The following TAF15 variants were observed in gnomAD, a reference collection of about 807,000 sequenced individuals.
The protein encoded by TAF15 is TATA-box binding protein associated factor 15.
Under a neutral mutation model 102.5 loss-of-function variants are expected in TAF15, and 37 were observed. That is an observed-to-expected ratio of 0.36 (90% CI 0.28 to 0.47). The LOEUF (loss-of-function observed/expected upper bound fraction) is 0.47. TAF15 is among the 20% of genes least tolerant of loss of function. The pLI, the probability that TAF15 is intolerant of heterozygous loss-of-function variation, is 0.99. For missense variants in TAF15, 652 were observed against 760.7 expected (o/e 0.86, Z 1.68); for synonymous variants, 273 against 259.2 (o/e 1.05, Z -0.51).
intron 7 of TAF15, among the ~76,000 whole-genome samples, chr17:35,829,432 A>C (rs1457031368): frequency 1.3e-5 from 2 of 151,028 alleles, no homozygotes; most frequent in Non-Finnish European, 2.9e-5. Context: ...GGAGATCGAG[A>C]CCATCCTGGC....
In TAF15 at chr17:35,838,412, G is replaced by A. The variant is rs374293879; in HGVS notation, c.784-12G>A. On this transcript the variant is annotated splice_polypyrimidine_tract_variant and intron_variant, in intron 10 of 15. Transcript: ENST00000605844. ...AAAAATGCTAACACCAAGTGTTTCT[G>A]TTTTTCCTCAGACAAATAAGAAGAC... 2 of 1,613,978 alleles carry A rather than the reference G, an allele frequency of 1.2e-6. No individual in the cohort carries two copies. Among genetic ancestry groups the A allele is most frequent in the Non-Finnish European group, 1.7e-6 (2 of 1,180,008 alleles).
At position 35,839,292 on chromosome 17, in the gene TAF15, A is replaced by C. The variant is rs575304171; in HGVS notation, c.913+739A>C. On this transcript the variant is annotated intron_variant, in intron 11 of 15. Coordinates refer to ENST00000605844, the MANE Select transcript of TAF15 (RefSeq NM_139215.3). ...CGAGAACCTGTCTCCAAAAAAAAAA[A>C]CCCTATAAATAAATAAAGTAAAATT... is the stretch of plus-strand genomic sequence containing the variant. 2.9e-4 allele frequency among the ~76,000 whole-genome samples: 44 copies of C among 149,346 alleles called. No homozygotes were observed. In the South Asian group the frequency reaches 9.1e-3, roughly 31 times the overall value.
At chr17:35,812,861 C>T (rs745973380) in intron 1 of TAF15, among the ~76,000 whole-genome samples, 12 of 151,904 alleles carry the variant, frequency 7.9e-5, no homozygotes, top group Non-Finnish European at 1.8e-4. Context: ...GGTGCGGTGG[C>T]TCATGCCTGT....
intron 7 of TAF15, among the ~76,000 whole-genome samples, chr17:35,827,110 G>A (rs1345157483): frequency 6.6e-6 from 1 of 151,650 alleles, no homozygotes; most frequent in East Asian, 1.9e-4. Flanking sequence ...AGCAATTCTT[G>A]GCCGGGTGCG....
intron 1 of TAF15, chr17:35,811,317 T>G (rs2087121835): frequency 6.6e-6 from 1 of 152,250 alleles, no homozygotes; most frequent in Non-Finnish European, 1.5e-5. Context: ...TTCAAGTTAC[T>G]AAGACACCAG....
At chr17:35,820,269 T>C in intron 4 of TAF15, 21 bp downstream of exon 4, 1 of 1,614,006 alleles carries the variant, frequency 6.2e-7, no homozygotes, top group East Asian at 2.2e-5. Context: ...TTTGTTAAAT[T>C]TGTTGTTTCA....
intron 12 of TAF15, 93 bp downstream of exon 12, chr17:35,842,552 T>A: frequency 1.0e-6 from 1 of 987,980 alleles, no homozygotes; most frequent in Non-Finnish European, 1.6e-6. Context: ...TTGCTACTGC[T>A]TTTTCTCTCG....
chr17:35,811,831 A>G (rs1490007298), intron 1 of TAF15, among the ~76,000 whole-genome samples: 2 of 152,278 alleles, frequency 1.3e-5, no homozygotes, highest in Non-Finnish European at 2.9e-5. Flanking sequence ...CAAAGTCAAG[A>G]TAACTTCTCA....
chr17:35,844,668 G>A lies in TAF15; in HGVS notation c.1369G>A (p.Gly457Arg), dbSNP rs763191596. 1 of 1,600,872 alleles carries A rather than the reference G, an allele frequency of 6.2e-7. No homozygotes were observed. The highest frequency in any genetic ancestry group is 8.5e-7 in the Non-Finnish European group (1 of 1,172,978). Residue 457 changes from glycine (G) to arginine (R), a missense_variant, in exon 15 of 16, where the codon GGG becomes AGG. By Grantham distance (125) the Gly-to-Arg change is moderately radical. Transcript: ENST00000605844. ...AGACAGAAGTGGGGGTGGCTATGGT[G>A]GGGACAGAGGCGGCGGCTATGGTGG... ...GGDRSGGGYG[G>R]DRGGGYGGDR...
rs1242462493 is a variant in TAF15 at position 35,820,328 on chromosome 17, T to C, written c.185-4T>C. ...ACTAAATGATATACTCATCTAATCTTTAGGTTATTCACAGTCCTATGGTGG... is the reference window on the plus strand; with the variant it reads ...ACTAAATGATATACTCATCTAATCTCTAGGTTATTCACAGTCCTATGGTGG... On this transcript the variant is annotated splice_polypyrimidine_tract_variant and splice_region_variant and intron_variant, in intron 4 of 15. Coordinates refer to ENST00000605844, the MANE Select transcript of TAF15 (RefSeq NM_139215.3). The C allele has an allele frequency of 6.2e-7, 1 of 1,613,964 alleles. No homozygotes were observed. Among genetic ancestry groups the C allele is most frequent in the South Asian group, 1.1e-5 (1 of 91,080 alleles).
intron 2 of TAF15, among the ~76,000 whole-genome samples, chr17:35,818,157 G>A (rs377308781): frequency 1.3e-5 from 2 of 151,832 alleles, no homozygotes; most frequent in Non-Finnish European, 2.9e-5. Context: ...GTGCAGTGGC[G>A]CGATCTCGGG....
chr17:35,845,087 AT>A, intron 15 of TAF15, 49 bp downstream of exon 15: 9 of 1,609,408 alleles, frequency 5.6e-6, no homozygotes, highest in Non-Finnish European at 7.6e-6. Flanking sequence ...CTGCACCTAG[AT>A]TGGGGGATTT....
Position 35,838,567 on chromosome 17 carries a change from G to A in TAF15, c.913+14G>A, listed in dbSNP as rs776388001. On this transcript the variant is annotated intron_variant, in intron 11 of 15. Transcript: ENST00000605844. ...ACTGGTTTGATGGTATGCCTCATTC[G>A]TATAGTTTTCAGCATGAAGTTGGAT... is the stretch of plus-strand genomic sequence containing the variant. 7.4e-6 allele frequency: 12 copies of A among 1,613,754 alleles called. No homozygotes were observed. Among genetic ancestry groups the A allele is most frequent in the South Asian group, 3.3e-5 (3 of 91,054 alleles).
intron 5 of TAF15, among the ~76,000 whole-genome samples, chr17:35,821,643 A>G (rs768907766): frequency 6.6e-6 from 1 of 152,170 alleles, no homozygotes; most frequent in Non-Finnish European, 1.5e-5. Flanking sequence ...ACTCAAATCC[A>G]ATTAAATGTT....
At position 35,844,448 on chromosome 17, in the gene TAF15, G is replaced by A. The variant is rs4251784; in HGVS notation, c.1178-29G>A. 0.02 allele frequency: 33,019 copies of A among 1,613,436 alleles called. 401 individuals carry two copies. Among genetic ancestry groups the A allele is most frequent in the East Asian group, 0.034 (1,521 of 44,862 alleles). ...AGGGGGCTTTACGTTGTTTCTGCTGGCCTCATTGTTTGCATTTCTACCTTG... is the reference window on the plus strand; with the variant it reads ...AGGGGGCTTTACGTTGTTTCTGCTGACCTCATTGTTTGCATTTCTACCTTG... On this transcript the variant is annotated intron_variant, in intron 14 of 15. Transcript: ENST00000605844.
At chr17:35,820,521 G>T in intron 5 of TAF15, 84 bp downstream of exon 5, 1 of 1,317,024 alleles carries the variant, frequency 7.6e-7, no homozygotes, top group Non-Finnish European at 1.1e-6. Context: ...CAAAATCCTA[G>T]CTTTAAACTT....
At chr17:35,838,614 T>A in intron 11 of TAF15, 61 bp downstream of exon 11, 1 of 1,610,120 alleles carries the variant, frequency 6.2e-7, no homozygotes, top group South Asian at 1.1e-5. Context: ...AGTCTGAAAG[T>A]GAGAATATGC....
intron 6 of TAF15, chr17:35,823,819 A>G (rs896046116): frequency 3.9e-5 from 21 of 537,350 alleles, no homozygotes; most frequent in African/African-American, 3.6e-4. Context: ...CTGTTTTGCC[A>G]TGTCACTTTA....
At chr17:35,834,065 C>A in intron 8 of TAF15, 124 bp downstream of exon 8, 1 of 765,400 alleles carries the variant, frequency 1.3e-6, no homozygotes, top group Non-Finnish European at 2.0e-6. Flanking sequence ...GTGTTGTGTG[C>A]TTTAAAAAAA....
Sources: gnomAD v4.1 joint callset for allele counts (sites outside exome capture counted in the v4.1 genomes callset) on GRCh38, gnomAD v4.1.1 for gene constraint, MANE v1.5 for transcripts, NCBI Gene and HGNC (gene_info 2026-07-23, HGNC 2026-07-21) for gene names.